Variants in CDH18 observed in about 807,000 individuals in gnomAD.
CDH18 encodes cadherin 18.
CDH18 carries 31 observed loss-of-function variants against 67.9 expected under a neutral mutation model. The observed-to-expected ratio is 0.46, with a 90% CI of 0.34 to 0.62. The LOEUF (loss-of-function observed/expected upper bound fraction) is 0.62. CDH18 is among the 20% of genes least tolerant of loss of function. The pLI, the probability that CDH18 is intolerant of heterozygous loss-of-function variation, is 0.01. For synonymous variants in CDH18, 362 were observed against 347.2 expected (o/e 1.04, Z -0.48); for missense variants, 890 against 975.5 (o/e 0.91, Z 1.17).
At position 19,987,831 on chromosome 5, in the gene CDH18, C is replaced by T. The variant is rs191922988; in HGVS notation, c.-376+255G>A. 1.6e-4 allele frequency among the ~76,000 whole-genome samples: 24 copies of T among 152,254 alleles called. No homozygotes were observed. The East Asian group carries it at 3.1e-3, about 20-fold the overall frequency. ...AGGCACAGATAAACATAAACAGACACGCAGCTGGATTCTGAGACTCGCATT... is the reference window on the plus strand; with the variant it reads ...AGGCACAGATAAACATAAACAGACATGCAGCTGGATTCTGAGACTCGCATT... On this transcript the variant is annotated intron_variant, in intron 1 of 12. Coordinates refer to ENST00000382275, the MANE Select transcript of CDH18 (RefSeq NM_004934.5).
chr5:19,590,484 G>GGATAGATAGATAGATAGATAGATA (rs145201697), intron 7 of CDH18, among the ~76,000 whole-genome samples: 143 of 149,816 alleles, frequency 9.5e-4, no homozygotes, highest in South Asian at 3.0e-3. Context: ...CTAGACAGAT[G>GGATAGATAGATAGATAGATAGATA]GATAGATAGA....
chr5:19,506,066 A>T (rs1179631827), intron 10 of CDH18, among the ~76,000 whole-genome samples: 1 of 152,128 alleles, frequency 6.6e-6, no homozygotes, highest in Non-Finnish European at 1.5e-5. Flanking sequence ...TGTGTCAAGG[A>T]ATTTATCCAT....
At chr5:19,961,488 T>C (rs1796903894) in intron 2 of CDH18, among the ~76,000 whole-genome samples, 1 of 152,106 alleles carries the variant, frequency 6.6e-6, no homozygotes, top group Non-Finnish European at 1.5e-5. Context: ...CACATAACTG[T>C]ATATATGTTA....
intron 11 of CDH18, among the ~76,000 whole-genome samples, chr5:19,490,394 G>GGTTTTTTTTTTTTTTTT (rs1741223437): frequency 1.7e-5 from 1 of 60,210 alleles, no homozygotes; most frequent in African/African-American, 6.7e-5. Flanking sequence ...ATAAAAATCT[G>GGTTTTTTTTTTTTTTTT]TTTTTTTTTT....
chr5:20,300,517 A>G (rs973763503), intron 1 of CDH18, among the ~76,000 whole-genome samples: 10 of 152,100 alleles, frequency 6.6e-5, no homozygotes, highest in African/African-American at 2.4e-4. Context: ...AATTGCTTTC[A>G]AGATACTACT....
chr5:20,267,013 T>C (rs762861799), intron 1 of CDH18, among the ~76,000 whole-genome samples: 17 of 152,174 alleles, frequency 1.1e-4, no homozygotes, highest in Admixed American at 7.2e-4. Flanking sequence ...TGTATAAATG[T>C]GCAATTCAAT....
intron 2 of CDH18, among the ~76,000 whole-genome samples, chr5:19,904,204 G>A (rs901834961): frequency 6.6e-6 from 1 of 151,724 alleles, no homozygotes; most frequent in African/African-American, 2.4e-5. Flanking sequence ...AACTCCGGAG[G>A]CGGAGATTGC....
At chr5:20,389,477 G>T (rs550433379) in intron 1 of CDH18, among the ~76,000 whole-genome samples, 1 of 152,078 alleles carries the variant, frequency 6.6e-6, no homozygotes, top group African/African-American at 2.4e-5. Context: ...CCTGAATACA[G>T]CACACTGATG....
chr5:20,147,500 T>A (rs997224207), intron 2 of CDH18, among the ~76,000 whole-genome samples: 1 of 152,088 alleles, frequency 6.6e-6, no homozygotes, highest in Non-Finnish European at 1.5e-5. Flanking sequence ...TTAATTTCTG[T>A]AAATAGTTTT....
chr5:20,196,029 A>G (rs994221894), intron 2 of CDH18, among the ~76,000 whole-genome samples: 2 of 152,174 alleles, frequency 1.3e-5, no homozygotes, highest in African/African-American at 4.8e-5. Context: ...AATATTTAGC[A>G]TCCTTCCTGG....
At position 20,398,601 on chromosome 5, in the gene CDH18, C is replaced by T. The variant is rs186973274; in HGVS notation, c.-579-143096G>A. ...TAAAACCTAGATGATGGCAAACCAC[C>T]ATGGCACATGTATACCTATGTAAAA... On this transcript the variant is annotated intron_variant, in intron 1 of 14. Coordinates refer to the CDH18 transcript ENST00000507958. 2.0e-5 allele frequency among the ~76,000 whole-genome samples: 3 copies of T among 152,282 alleles called. No individual in the cohort carries two copies. The East Asian group carries it at 5.8e-4, about 29-fold the overall frequency.
intron 1 of CDH18, among the ~76,000 whole-genome samples, chr5:20,500,694 A>C (rs186387311): frequency 6.6e-6 from 1 of 152,298 alleles, no homozygotes; most frequent in African/African-American, 2.4e-5. Flanking sequence ...AACTGACTGT[A>C]CTGAAACAAT....
At chr5:20,478,056 C>T (rs62355177) in intron 1 of CDH18, among the ~76,000 whole-genome samples, 2,664 of 152,238 alleles carry the variant, frequency 0.017, 45 homozygotes, top group African/African-American at 0.041. Flanking sequence ...GATTCATCAC[C>T]TGCTCAATAA....
At chr5:20,082,136 A>G (rs1219791070) in intron 2 of CDH18, among the ~76,000 whole-genome samples, 1 of 148,924 alleles carries the variant, frequency 6.7e-6, no homozygotes, top group African/African-American at 2.4e-5. Flanking sequence ...GATGCATTCA[A>G]AAAAAAAAAG....
intron 3 of CDH18, among the ~76,000 whole-genome samples, chr5:19,750,315 G>A (rs911981848): frequency 6.6e-6 from 1 of 152,108 alleles, no homozygotes; most frequent in Non-Finnish European, 1.5e-5. Flanking sequence ...TGGGGCCTGA[G>A]AGAAACCTTG....
rs190483802 is a variant in CDH18, at chr5:19,471,906, C to T, written c.*1320G>A. ...AGCTTTTATGCAATTGAATACTTTGCAGTTGGCAAAGCATTTTACAGATGC... is the reference window on the plus strand; with the variant it reads ...AGCTTTTATGCAATTGAATACTTTGTAGTTGGCAAAGCATTTTACAGATGC... On this transcript the variant is annotated 3_prime_UTR_variant, in exon 13 of 13. Coordinates refer to ENST00000382275, the MANE Select transcript of CDH18 (RefSeq NM_004934.5). Among the ~76,000 whole-genome samples, 106 of 152,242 alleles carry T rather than the reference C, an allele frequency of 7.0e-4. No homozygotes were observed. Among genetic ancestry groups the T allele is most frequent in the African/African-American group, 2.5e-3 (105 of 41,544 alleles).
Sources: gnomAD v4.1 joint callset for allele counts (sites outside exome capture counted in the v4.1 genomes callset) on GRCh38, gnomAD v4.1.1 for gene constraint, MANE v1.5 for transcripts, NCBI Gene and HGNC (gene_info 2026-07-23, HGNC 2026-07-21) for gene names.